Variants in TLN2 observed in about 807,000 individuals in gnomAD.
TLN2 encodes the protein talin-2.
In TLN2, 118 loss-of-function variants were observed where a neutral mutation model predicts 294.7. The ratio of observed to expected loss-of-function variants is 0.40; its 90% CI spans 0.34 to 0.47. The LOEUF is 0.47. Among genes scored for constraint, TLN2 ranks in the 20% least tolerant of loss-of-function variants. TLN2 has a pLI of 0.84. For missense variants in TLN2, 3,083 were observed against 3,282.2 expected (o/e 0.94, Z 1.48); for synonymous variants, 1,431 against 1,304.5 (o/e 1.10, Z -2.09).
At chr15:62,558,059 C>T (rs1314311745) in intron 1 of TLN2, among the ~76,000 whole-genome samples, 1 of 152,164 alleles carries the variant, frequency 6.6e-6, no homozygotes, top group East Asian at 1.9e-4. Flanking sequence ...TATTGGACTT[C>T]TAAGTGGAAT....
At chr15:62,740,825 T>A in intron 32 of TLN2, 56 bp downstream of exon 32, 1 of 1,603,332 alleles carries the variant, frequency 6.2e-7, no homozygotes, top group Non-Finnish European at 8.5e-7. Flanking sequence ...CATTGCAGTC[T>A]GAAGATGTGC....
chr15:62,406,584 C>T (rs770745941), intron 1 of TLN2, among the ~76,000 whole-genome samples: 17 of 152,048 alleles, frequency 1.1e-4, no homozygotes, highest in African/African-American at 1.9e-4. Flanking sequence ...GTGACTTATG[C>T]GGAAATTTCT....
intron 23 of TLN2, among the ~76,000 whole-genome samples, chr15:62,717,356 T>C (rs1297454022): frequency 1.3e-5 from 2 of 152,212 alleles, no homozygotes; most frequent in Non-Finnish European, 2.9e-5. Flanking sequence ...GCTTGAGCTT[T>C]CAAGCGTGCC....
intron 1 of TLN2, among the ~76,000 whole-genome samples, chr15:62,405,650 G>A (rs1261538936): frequency 6.6e-6 from 1 of 152,146 alleles, no homozygotes; most frequent in Admixed American, 6.5e-5. Context: ...CTCTTGATTA[G>A]GGTCCCTAGG....
rs569604615 is a variant in TLN2 at position 62,420,569 on chromosome 15, A to G, written c.-238+29884A>G. On this transcript the variant is annotated intron_variant, in intron 1 of 58. Transcript: ENST00000636159. Reference sequence around the variant, plus strand: ...GCCACCATGCTCGGCTAATTCTTGTATTTTTAGTAGAGACTGTGTGGCAGG... The same window carrying G: ...GCCACCATGCTCGGCTAATTCTTGTGTTTTTAGTAGAGACTGTGTGGCAGG... 6.6e-5 allele frequency among the ~76,000 whole-genome samples: 10 copies of G among 152,202 alleles called. No individual in the cohort carries two copies. The South Asian group carries it at 1.9e-3, about 28-fold the overall frequency.
intron 1 of TLN2, among the ~76,000 whole-genome samples, chr15:62,550,041 T>A (rs1468533068): frequency 6.6e-6 from 1 of 152,132 alleles, no homozygotes; most frequent in Non-Finnish European, 1.5e-5. Flanking sequence ...GGGGTAAGAA[T>A]TCAGGTATGG....
rs763249544 is a variant in TLN2, at chr15:62,797,366, G to C, written c.6198G>C (p.Gly2066=). ...AGCTCGCAGAAGTGGTCAAGCTGGG[G>C]GCAGCCAGCCTGGGCTCCGACGACC... ...ITQLAEVVKL[G]AASLGSDDPE... The change falls in exon 48 of 59, where the codon GGG becomes GGC. Residue 2066 remains glycine (G), a synonymous_variant. Transcript: ENST00000636159. 14 of 1,612,286 alleles carry C rather than the reference G, an allele frequency of 8.7e-6. No individual in the cohort carries two copies. The highest frequency in any genetic ancestry group is 1.2e-5 in the Non-Finnish European group (14 of 1,179,616).
chr15:62,716,168 T>C (rs1360982582), intron 22 of TLN2, among the ~76,000 whole-genome samples, 163 bp from the exon 23 acceptor site: 1 of 152,244 alleles, frequency 6.6e-6, no homozygotes, highest in Non-Finnish European at 1.5e-5. Flanking sequence ...CTGGTAGGTA[T>C]TTTTTGTTGC....
At chr15:62,467,234 A>G (rs1015275960) in intron 1 of TLN2, among the ~76,000 whole-genome samples, 1 of 152,236 alleles carries the variant, frequency 6.6e-6, no homozygotes, top group Non-Finnish European at 1.5e-5. Flanking sequence ...ACCAAACATA[A>G]TTGAGCAGTA....
intron 12 of TLN2, among the ~76,000 whole-genome samples, chr15:62,690,709 C>T (rs1311602593): frequency 6.7e-6 from 1 of 149,186 alleles, no homozygotes; most frequent in Non-Finnish European, 1.5e-5. Flanking sequence ...CCACTGCACT[C>T]CAGCCTCGGC....
intron 9 of TLN2, among the ~76,000 whole-genome samples, chr15:62,669,791 C>T (rs1171672038): frequency 6.6e-6 from 1 of 152,172 alleles, no homozygotes; most frequent in African/African-American, 2.4e-5. Flanking sequence ...CTTGATGACA[C>T]CCTGCCTGCT....
intron 40 of TLN2, 83 bp downstream of exon 40, chr15:62,763,778 T>A: frequency 6.9e-7 from 1 of 1,442,894 alleles, no homozygotes; most frequent in East Asian, 2.5e-5. Context: ...GGGTAGAGGT[T>A]GTAGGGCCAA....
chr15:62,467,607 G>A (rs940898683), intron 1 of TLN2, among the ~76,000 whole-genome samples: 5 of 152,116 alleles, frequency 3.3e-5, no homozygotes, highest in African/African-American at 1.2e-4. Flanking sequence ...CAGGAGAATC[G>A]CCAAGAGGTA....
At chr15:62,491,836 G>A (rs1047908261) in intron 1 of TLN2, among the ~76,000 whole-genome samples, 8 of 152,158 alleles carry the variant, frequency 5.3e-5, no homozygotes, top group African/African-American at 1.9e-4. Flanking sequence ...CTGCTGGAGA[G>A]AGGAATCTCT....
At chr15:62,795,541 C>T (rs1051295704) in intron 46 of TLN2, among the ~76,000 whole-genome samples, 2 of 152,028 alleles carry the variant, frequency 1.3e-5, no homozygotes, top group African/African-American at 4.8e-5. Flanking sequence ...TGGATGATGG[C>T]TTGCAGGAGT....
Position 62,835,905 on chromosome 15 carries a change from G to T in TLN2, c.7206G>T (p.Ala2402=). 1 of 1,614,190 alleles carries T rather than the reference G, an allele frequency of 6.2e-7. No homozygotes were observed. The highest frequency in any genetic ancestry group is 8.5e-7 in the Non-Finnish European group (1 of 1,180,040). Residue 2402 remains alanine (A), a synonymous_variant, in exon 57 of 59, where the codon GCG becomes GCT. Coordinates refer to ENST00000636159, the MANE Select transcript of TLN2 (RefSeq NM_015059.3). The part of the protein sequence containing the change: ...QGLISAARMV[A]AATSSLCEAA... ...ACTGTCCCCAGGCCCGGATGGTGGC[G>T]GCTGCGACCAGCAGTCTCTGTGAGG...
At chr15:62,500,093 G>T (rs761614052) in intron 1 of TLN2, among the ~76,000 whole-genome samples, 3 of 152,022 alleles carry the variant, frequency 2.0e-5, no homozygotes, top group Non-Finnish European at 4.4e-5. Flanking sequence ...TCTCAGCACT[G>T]TGGGAGGCCA....
At chr15:62,467,260 G>A (rs562341048) in intron 1 of TLN2, among the ~76,000 whole-genome samples, 1 of 152,326 alleles carries the variant, frequency 6.6e-6, no homozygotes, top group South Asian at 2.1e-4. Flanking sequence ...TTGTCTGTAG[G>A]AGAAGGAGAG....
Position 62,762,265 on chromosome 15 carries a change from G to A in TLN2, c.4780-7G>A, listed in dbSNP as rs2062724121. 3 of 1,613,878 alleles carry A rather than the reference G, an allele frequency of 1.9e-6. No homozygotes were observed. In the Admixed American group the frequency reaches 5.0e-5, roughly 27 times the overall value. ...CTGACTTTGATTTCTCTGCTGTTTG[G>A]TCTCAGGGTTCCCAGGCACAGGAAC... On this transcript the variant is annotated splice_polypyrimidine_tract_variant and splice_region_variant and intron_variant, in intron 38 of 58. Coordinates refer to ENST00000636159, the MANE Select transcript of TLN2 (RefSeq NM_015059.3).
Sources: gnomAD v4.1 joint callset for allele counts (sites outside exome capture counted in the v4.1 genomes callset) on GRCh38, gnomAD v4.1.1 for gene constraint, MANE v1.5 for transcripts, NCBI Gene and HGNC (gene_info 2026-07-23, HGNC 2026-07-21) for gene names.